RBBP8: variants seen among roughly 807,000 people sequenced by gnomAD.
The protein encoded by RBBP8 is RB binding protein 8, endonuclease.
Under a neutral mutation model 108.3 loss-of-function variants are expected in RBBP8, and 88 were observed. That is an observed-to-expected ratio of 0.81 (90% CI 0.68 to 0.97). The LOEUF (loss-of-function observed/expected upper bound fraction) is 0.97, where lower values mean the gene tolerates loss of function less well. RBBP8 is among the 50% of genes least tolerant of loss of function. The probability of loss-of-function intolerance (pLI) is 0.00; values close to 1 mark genes in which losing one functional copy is unlikely to be tolerated. For missense variants in RBBP8, 1,023 were observed against 1,049.0 expected (o/e 0.98, Z 0.34); for synonymous variants, 332 against 348.2 (o/e 0.95, Z 0.52).
intron 2 of RBBP8, among the ~76,000 whole-genome samples, chr18:22,943,387 C>G (rs890560609): frequency 6.6e-6 from 1 of 151,862 alleles, no homozygotes; most frequent in South Asian, 2.1e-4. Flanking sequence ...TACAGTGAGC[C>G]GTGATTGCAC....
intron 17 of RBBP8, among the ~76,000 whole-genome samples, chr18:23,021,580 G>A (rs2046346409): frequency 6.6e-6 from 1 of 152,128 alleles, no homozygotes; most frequent in Non-Finnish European, 1.5e-5. Flanking sequence ...AAAAATAGTA[G>A]GCTTTTGATC....
Position 22,993,399 on chromosome 18 carries a change from T to C in RBBP8, c.1572T>C (p.Ala524=). 6.2e-7 allele frequency: 1 copy of C among 1,614,258 alleles called. No individual in the cohort carries two copies. The highest frequency in any genetic ancestry group is 8.5e-7 in the Non-Finnish European group (1 of 1,180,040). ...NKFRQVTLYE[A]LKTIPKGFSS... is the part of the protein sequence containing the mutation. ...TTAGGCAAGTGACTCTTTATGAGGC[T>C]TTGAAGACCATTCCAAAGGGCTTTT... The change falls in exon 11 of 19, where the codon GCT becomes GCC. Residue 524 remains alanine (A), a synonymous_variant. Coordinates refer to ENST00000327155, the MANE Select transcript of RBBP8 (RefSeq NM_002894.3).
At chr18:22,996,286 T>C in intron 12 of RBBP8, 88 bp from the exon 13 acceptor site, 1 of 1,552,866 alleles carries the variant, frequency 6.4e-7, no homozygotes. Flanking sequence ...TGCAAAAATT[T>C]TCTATTCTTT....
At chr18:23,011,546 C>T (rs1345930207) in intron 16 of RBBP8, among the ~76,000 whole-genome samples, 1 of 151,034 alleles carries the variant, frequency 6.6e-6, no homozygotes, top group Non-Finnish European at 1.5e-5. Flanking sequence ...ATGCCATTCT[C>T]CTGCCTCAGC....
intron 5 of RBBP8, among the ~76,000 whole-genome samples, chr18:22,969,854 A>C (rs191044478): frequency 2.6e-5 from 4 of 152,290 alleles, no homozygotes; most frequent in Admixed American, 6.5e-5. Flanking sequence ...ATGTCTATAG[A>C]TTCTGTGGTG....
At chr18:22,946,578 T>C (rs1911582164) in intron 3 of RBBP8, 92 bp downstream of exon 3, 1 of 1,549,846 alleles carries the variant, frequency 6.5e-7, no homozygotes, top group Non-Finnish European at 8.8e-7. Flanking sequence ...GATACTGATG[T>C]CCAATTTGAC....
chr18:22,914,461 G>A (rs1054347891), intron 1 of RBBP8, among the ~76,000 whole-genome samples: 22 of 152,022 alleles, frequency 1.4e-4, no homozygotes, highest in African/African-American at 5.3e-4. Flanking sequence ...CTTGCGTTAT[G>A]TTCATTGATT....
intron 4 of RBBP8, among the ~76,000 whole-genome samples, chr18:22,959,150 A>G (rs971628411): frequency 1.3e-5 from 2 of 152,194 alleles, no homozygotes; most frequent in Non-Finnish European, 2.9e-5. Flanking sequence ...AACTGCTGAA[A>G]AAGAAGGCAC....
intron 3 of RBBP8, among the ~76,000 whole-genome samples, chr18:22,949,270 A>G (rs1371509081): frequency 6.6e-6 from 1 of 152,238 alleles, no homozygotes; most frequent in African/African-American, 2.4e-5. Context: ...CAACACAGAA[A>G]TTAGTAAAAT....
At chr18:22,981,418 G>C (rs1359009339) in intron 6 of RBBP8, among the ~76,000 whole-genome samples, 2 of 151,902 alleles carry the variant, frequency 1.3e-5, no homozygotes, top group African/African-American at 4.8e-5. Context: ...TTATTGTTAG[G>C]GTCTGACTGC....
chr18:22,995,910 G>C (rs987397008), intron 12 of RBBP8, among the ~76,000 whole-genome samples: 2 of 152,204 alleles, frequency 1.3e-5, no homozygotes, highest in Admixed American at 6.5e-5. Flanking sequence ...ATACCTAGGA[G>C]TGGAATTGTT....
At chr18:22,965,182 A>G (rs930164173) in intron 4 of RBBP8, among the ~76,000 whole-genome samples, 1 of 151,446 alleles carries the variant, frequency 6.6e-6, no homozygotes, top group African/African-American at 2.4e-5. Context: ...ATAGCTTATT[A>G]TTTCTTCCAG....
chr18:22,979,290 A>T (rs1304994882), intron 6 of RBBP8, among the ~76,000 whole-genome samples: 3 of 152,058 alleles, frequency 2.0e-5, no homozygotes, highest in African/African-American at 4.8e-5. Context: ...AATTTTAAAT[A>T]ATTTTATGTT....
chr18:22,999,207 A>G (rs2045907349), intron 14 of RBBP8, among the ~76,000 whole-genome samples: 1 of 152,250 alleles, frequency 6.6e-6, no homozygotes, highest in South Asian at 2.1e-4. Context: ...AATCACTTGA[A>G]TAACTCAGAG....
chr18:22,940,897 T>C (rs936482975), intron 2 of RBBP8, among the ~76,000 whole-genome samples: 7 of 152,016 alleles, frequency 4.6e-5, no homozygotes, highest in Admixed American at 1.3e-4. Context: ...TCTGACCTCA[T>C]TGGCCTCCAA....
At chr18:22,990,875 A>G in intron 9 of RBBP8, 62 bp from the exon 10 acceptor site, 1 of 1,262,548 alleles carries the variant, frequency 7.9e-7, no homozygotes, top group Admixed American at 1.7e-5. Flanking sequence ...TCAGTACTTC[A>G]TCCCTTTTTA....
rs1270140190 is a variant in RBBP8 at position 23,019,824 on chromosome 18, C to T, written c.2455-2305C>T. On this transcript the variant is annotated intron_variant, in intron 17 of 18. Coordinates refer to ENST00000327155, the MANE Select transcript of RBBP8 (RefSeq NM_002894.3). ...TTGCCCAGGCTGAAGCACAGTGGCG[C>T]GATTTCGGCTCACTGCAAGCTCCGC... Among the ~76,000 whole-genome samples the T allele has an allele frequency of 6.8e-5, 10 of 147,970 alleles. 1 individual carries two copies. Among genetic ancestry groups the T allele is most frequent in the East Asian group, 4.0e-4 (2 of 5,016 alleles).
intron 10 of RBBP8, among the ~76,000 whole-genome samples, chr18:22,991,395 C>T (rs1164704651): frequency 6.6e-6 from 1 of 152,166 alleles, no homozygotes; most frequent in Non-Finnish European, 1.5e-5. Flanking sequence ...CTTGGATGAG[C>T]TTCCAAGATT....
At chr18:22,957,291 CTTTTTTTT>C (rs11418623) in intron 4 of RBBP8, among the ~76,000 whole-genome samples, 233 of 92,880 alleles carry the variant, frequency 2.5e-3, no homozygotes, top group African/African-American at 9.3e-3. Context: ...ATTACTTTTT[CTTTTTTTT>C]TTTTTTTTTT....
Sources: gnomAD v4.1 joint callset for allele counts (sites outside exome capture counted in the v4.1 genomes callset) on GRCh38, gnomAD v4.1.1 for gene constraint, MANE v1.5 for transcripts, NCBI Gene and HGNC (gene_info 2026-07-23, HGNC 2026-07-21) for gene names.